SLIT1: variants seen among roughly 807,000 people sequenced by gnomAD.
SLIT1 encodes the protein slit homolog 1 protein.
Under a neutral mutation model 186.1 loss-of-function variants are expected in SLIT1, and 66 were observed. The ratio of observed to expected loss-of-function variants is 0.35; its 90% CI spans 0.29 to 0.44. The LOEUF (loss-of-function observed/expected upper bound fraction) is 0.44, where lower values mean the gene tolerates loss of function less well. Among genes scored for constraint, SLIT1 ranks in the 20% least tolerant of loss-of-function variants. The pLI, the probability that SLIT1 is intolerant of heterozygous loss-of-function variation, is 1.00. For synonymous variants in SLIT1, 761 were observed against 833.8 expected, an observed-to-expected ratio of 0.91 and a Z score of 1.50; for missense variants, 1,638 against 2,037.4, an observed-to-expected ratio of 0.80 and a Z score of 3.77.
chr10:97,180,032 G>A lies in SLIT1; in HGVS notation c.197+5446C>T, dbSNP rs566233289. ...AGCCGCCCAGCCCCAAAAGAGCACG[G>A]CCGCCCCTGCTGGCAGCCTCGGGCA... On this transcript the variant is annotated intron_variant, in intron 1 of 36. Transcript: ENST00000266058. Among the ~76,000 whole-genome samples, 94 of 152,282 alleles carry A rather than the reference G, an allele frequency of 6.2e-4. 1 individual carries two copies. In the South Asian group the frequency reaches 0.019, roughly 30 times the overall value.
At chr10:97,139,113 C>T (rs1849732776) in intron 4 of SLIT1, among the ~76,000 whole-genome samples, 1 of 152,308 alleles carries the variant, frequency 6.6e-6, no homozygotes. Context: ...AGCCCAGGGT[C>T]CCCACGGCCA....
At chr10:97,073,007 C>T (rs1394796194) in intron 4 of SLIT1, among the ~76,000 whole-genome samples, 2 of 152,226 alleles carry the variant, frequency 1.3e-5, no homozygotes, top group East Asian at 3.8e-4. Context: ...AACCCTAAGG[C>T]TCTGTTGTTT....
chr10:97,123,889 C>T (rs1339750254), intron 4 of SLIT1, among the ~76,000 whole-genome samples: 5 of 151,952 alleles, frequency 3.3e-5, no homozygotes, highest in East Asian at 1.9e-4. Flanking sequence ...CAAGGGTCCA[C>T]GGCAAAGCCA....
At chr10:97,185,043 G>T (rs986407163) in intron 1 of SLIT1, among the ~76,000 whole-genome samples, 1 of 152,264 alleles carries the variant, frequency 6.6e-6, no homozygotes, top group African/African-American at 2.4e-5. Context: ...CTCTGGGAGC[G>T]GGAATCTGCG....
At chr10:97,005,584 G>A (rs1358984048) in intron 32 of SLIT1, among the ~76,000 whole-genome samples, 1 of 152,198 alleles carries the variant, frequency 6.6e-6, no homozygotes, top group Non-Finnish European at 1.5e-5. Context: ...AATTAGAGCT[G>A]GCAAGGAAGA....
At position 97,031,635 on chromosome 10, in the gene SLIT1, G is replaced by C; in HGVS notation, c.2481C>G (p.Ala827=). 6.4e-7 allele frequency: 1 copy of C among 1,552,148 alleles called. No homozygotes were observed. Among genetic ancestry groups the C allele is most frequent in the South Asian group, 1.2e-5 (1 of 84,064 alleles). ...GGCGCAGGGAGCGGAGTCCCTGGAA[G>C]GCCAAAGGCGGGATGCACTGCAGGG... ...YNALQCIPPL[A]FQGLRSLRLL... Residue 827 remains alanine (A), a synonymous_variant, in exon 24 of 37, where the codon GCC becomes GCG. Transcript: ENST00000266058.
chr10:97,032,144 C>T (rs1396627891), intron 23 of SLIT1, among the ~76,000 whole-genome samples: 4 of 152,180 alleles, frequency 2.6e-5, no homozygotes, highest in Non-Finnish European at 4.4e-5. Context: ...GGAGGACAGG[C>T]AAAGTCATCT....
At chr10:97,095,502 G>A (rs181990010) in intron 4 of SLIT1, among the ~76,000 whole-genome samples, 39 of 152,256 alleles carry the variant, frequency 2.6e-4, no homozygotes, top group African/African-American at 8.2e-4. Flanking sequence ...TGGGACAAGC[G>A]GGGAGAAGCT....
rs2134622448 is a variant in SLIT1, at chr10:97,043,503, T to C, written c.1864A>G (p.Asn622Asp). The part of the protein sequence containing the change: ...LDGLRTLMLR[N>D]NRISCIHNDS... ...TTGTGGATGCAGCTGATGCGGTTGT[T>C]CCGCAGCATTCTGGGGAGGAACGGG... The change falls in exon 19 of 37, where the codon AAC becomes GAC. Residue 622 changes from asparagine to aspartate, a missense_variant. Coordinates refer to ENST00000266058, the MANE Select transcript of SLIT1 (RefSeq NM_003061.3). This position sits in a 1 kb window ranked among gnomAD's most constrained non-coding sequence, Gnocchi z 7.0. 1 of 1,610,406 alleles carries C rather than the reference T, an allele frequency of 6.2e-7. No homozygotes were observed. Among genetic ancestry groups the C allele is most frequent in the Non-Finnish European group, 8.5e-7 (1 of 1,178,012 alleles).
intron 1 of SLIT1, among the ~76,000 whole-genome samples, chr10:97,178,754 A>G (rs1850289764): frequency 6.6e-6 from 1 of 150,400 alleles, no homozygotes; most frequent in Non-Finnish European, 1.5e-5. Flanking sequence ...AAAATTACCT[A>G]TGAGTGTGTG....
chr10:97,082,444 T>C (rs897624129), intron 4 of SLIT1, among the ~76,000 whole-genome samples: 2 of 152,210 alleles, frequency 1.3e-5, no homozygotes, highest in African/African-American at 4.8e-5. Context: ...TATTTATTTA[T>C]TTATTTTTTG....
At chr10:97,045,856 G>C (rs1334559958) in intron 18 of SLIT1, among the ~76,000 whole-genome samples, 2 of 152,168 alleles carry the variant, frequency 1.3e-5, no homozygotes, top group Non-Finnish European at 2.9e-5. Context: ...ACTTATACCT[G>C]GGCAAGTGGC....
chr10:97,040,980 C>T (rs1486431989), intron 20 of SLIT1, among the ~76,000 whole-genome samples: 1 of 152,174 alleles, frequency 6.6e-6, no homozygotes, highest in Non-Finnish European at 1.5e-5. Flanking sequence ...CAGAACAGCT[C>T]TCTAGTGAAT....
In SLIT1 at chr10:97,004,929, T is replaced by C. The variant is rs1481165463; in HGVS notation, c.3580-106A>G. On this transcript the variant is annotated intron_variant, in intron 32 of 36. Transcript: ENST00000266058. This position sits in a 1 kb window ranked among gnomAD's most constrained non-coding sequence, Gnocchi z 5.1. ...CCAAGATTGGAAGAGAGATGCTCTG[T>C]GCAGAGCGCTCTTCCCCCACCTGGC... is the stretch of plus-strand genomic sequence containing the variant. 2 of 1,354,088 alleles carry C rather than the reference T, an allele frequency of 1.5e-6. No homozygotes were observed. Among genetic ancestry groups the C allele is most frequent in the South Asian group, 1.3e-5 (1 of 76,692 alleles). 83.9% of individuals were successfully genotyped at this position (1,354,088 alleles called of 1,614,324 possible). A position where few individuals can be genotyped will look rare whatever the true frequency, so the allele number is the denominator to read the frequency against.
intron 4 of SLIT1, chr10:97,152,902 TTGA>T (rs1203312615): frequency 6.6e-6 from 1 of 152,270 alleles, no homozygotes; most frequent in Non-Finnish European, 1.5e-5. Context: ...AAGGCCATTT[TTGA>T]TGATGGTATA....
chr10:97,065,216 G>A (rs1399734215), intron 5 of SLIT1, among the ~76,000 whole-genome samples: 2 of 152,036 alleles, frequency 1.3e-5, no homozygotes, highest in African/African-American at 4.8e-5. Context: ...AAATGGGAGA[G>A]TCACAAAGCA....
chr10:97,067,381 C>T (rs527943409), intron 4 of SLIT1, among the ~76,000 whole-genome samples: 28 of 152,316 alleles, frequency 1.8e-4, no homozygotes, highest in African/African-American at 5.3e-4. Flanking sequence ...CGTGTGCAAA[C>T]GCCCCTTTCC....
In SLIT1 at chr10:97,031,658, G is replaced by A. The variant is rs995820305; in HGVS notation, c.2458C>T (p.Leu820=). ...LTTLILSYNA[L]QCIPPLAFQG... ...AAGGCCAAAGGCGGGATGCACTGCA[G>A]GGCATTGTAGCTGAGGATCCTGCGG... The change falls in exon 24 of 37, where the codon CTG becomes TTG. Residue 820 remains leucine (L), a synonymous_variant. Coordinates refer to ENST00000266058, the MANE Select transcript of SLIT1 (RefSeq NM_003061.3). 7 of 1,551,666 alleles carry A rather than the reference G, an allele frequency of 4.5e-6. No homozygotes were observed. The African/African-American group carries it at 9.6e-5, about 21-fold the overall frequency.
intron 25 of SLIT1, among the ~76,000 whole-genome samples, chr10:97,028,714 G>A (rs1052199274): frequency 1.3e-5 from 2 of 152,200 alleles, no homozygotes; most frequent in Non-Finnish European, 2.9e-5. Flanking sequence ...AATGGTCACA[G>A]TGGGCAGAAA....
Sources: allele counts gnomAD v4.1 joint callset (sites outside exome capture counted in the v4.1 genomes callset), GRCh38; gene constraint gnomAD v4.1.1; non-coding constraint Gnocchi (gnomAD v3.1); transcripts MANE v1.5; gene names NCBI Gene and HGNC (gene_info 2026-07-23, HGNC 2026-07-21).